Variants in ANGPT1 observed in about 807,000 individuals in gnomAD.
ANGPT1 encodes angiopoietin-1.
ANGPT1 carries 17 observed loss-of-function variants against 62.2 expected under a neutral mutation model. The observed-to-expected ratio is 0.27, with a 90% CI of 0.19 to 0.41. The LOEUF (loss-of-function observed/expected upper bound fraction) is 0.41, where lower values mean the gene tolerates loss of function less well. Among genes scored for constraint, ANGPT1 ranks in the 10% least tolerant of loss-of-function variants. ANGPT1 has a pLI of 1.00. For synonymous variants in ANGPT1, 199 were observed against 198.9 expected, an observed-to-expected ratio of 1.00 and a Z score of 0.00; for missense variants, 478 against 594.9, an observed-to-expected ratio of 0.80 and a Z score of 2.04.
intron 1 of ANGPT1, among the ~76,000 whole-genome samples, chr8:107,368,267 A>G (rs926580658): frequency 5.1e-4 from 78 of 152,152 alleles, no homozygotes; most frequent in Admixed American, 5.0e-3. Flanking sequence ...ATGAACAGTA[A>G]TACTTTAAAA....
intron 6 of ANGPT1, among the ~76,000 whole-genome samples, chr8:107,286,455 T>A (rs954173166): frequency 6.6e-6 from 1 of 152,132 alleles, no homozygotes; most frequent in East Asian, 1.9e-4. Flanking sequence ...GTTCTATTTT[T>A]AAAAAACTGA....
chr8:107,452,257 A>T (rs1327907476), intron 1 of ANGPT1, among the ~76,000 whole-genome samples: 1 of 151,628 alleles, frequency 6.6e-6, no homozygotes, highest in Non-Finnish European at 1.5e-5. Context: ...GAAATTAGAG[A>T]AAATGTGAGC....
chr8:107,472,687 A>G (rs1282902450), intron 1 of ANGPT1, among the ~76,000 whole-genome samples: 1 of 152,010 alleles, frequency 6.6e-6, no homozygotes, highest in African/African-American at 2.4e-5. Flanking sequence ...TCATAGACAC[A>G]GAAATTTGAA....
chr8:107,413,757 T>A (rs944896323), intron 1 of ANGPT1, among the ~76,000 whole-genome samples: 1 of 151,908 alleles, frequency 6.6e-6, no homozygotes, highest in Admixed American at 6.6e-5. Context: ...TGGAAAAATA[T>A]CAACATGTTA....
chr8:107,475,436 C>A (rs1308871046), intron 1 of ANGPT1, among the ~76,000 whole-genome samples: 2 of 152,094 alleles, frequency 1.3e-5, no homozygotes, highest in African/African-American at 4.8e-5. Flanking sequence ...AAAATTAATT[C>A]AAGATGGATT....
intron 1 of ANGPT1, among the ~76,000 whole-genome samples, chr8:107,452,534 T>C: frequency 6.6e-6 from 1 of 152,026 alleles, no homozygotes; most frequent in East Asian, 1.9e-4. Context: ...TAGATATGCA[T>C]GGCTAAAATT....
At chr8:107,427,554 A>G (rs1811072268) in intron 1 of ANGPT1, among the ~76,000 whole-genome samples, 1 of 152,166 alleles carries the variant, frequency 6.6e-6, no homozygotes, top group Non-Finnish European at 1.5e-5. Context: ...TTTCAGGTCA[A>G]TGTCCAGTGT....
chr8:107,393,769 C>A (rs1383267046), intron 1 of ANGPT1, among the ~76,000 whole-genome samples: 1 of 152,110 alleles, frequency 6.6e-6, no homozygotes, highest in African/African-American at 2.4e-5. Flanking sequence ...GAGATTGCAC[C>A]ACTGCACTCC....
chr8:107,264,450 T>C (rs1185762805), intron 7 of ANGPT1, 99 bp from the exon 8 acceptor site: 2 of 1,440,042 alleles, frequency 1.4e-6, no homozygotes, highest in African/African-American at 2.9e-5. Flanking sequence ...CATCATTTTC[T>C]TCTTTCTTTG....
chr8:107,387,625 A>G lies in ANGPT1; in HGVS notation c.298-40528T>C, dbSNP rs369630814. On this transcript the variant is annotated intron_variant, in intron 1 of 8. Transcript: ENST00000517746. ...TATTTATTTTTGCTCAAGATTGTGA[A>G]TAATTGACACTAACATTGATTATTC... Among the ~76,000 whole-genome samples, 4 of 112,996 alleles carry G rather than the reference A, an allele frequency of 3.5e-5. No individual in the cohort carries two copies. The East Asian group carries it at 9.8e-4, about 28-fold the overall frequency. 74.1% of individuals were successfully genotyped at this position (112,996 alleles called of 152,430 possible).
chr8:107,286,962 AAGTCAAAGAATT>A (rs1367206653), intron 6 of ANGPT1, among the ~76,000 whole-genome samples: 1 of 152,166 alleles, frequency 6.6e-6, no homozygotes, highest in East Asian at 1.9e-4. Context: ...AGGAGGCTGA[AAGTCAAAGAATT>A]AGCACTTTAT....
intron 3 of ANGPT1, among the ~76,000 whole-genome samples, chr8:107,329,093 T>C (rs745821636): frequency 6.6e-6 from 1 of 152,100 alleles, no homozygotes; most frequent in African/African-American, 2.4e-5. Context: ...TCTACACATA[T>C]ATGCACATAT....
intron 7 of ANGPT1, among the ~76,000 whole-genome samples, chr8:107,278,559 A>G (rs1193526144): frequency 6.6e-6 from 1 of 152,176 alleles, no homozygotes; most frequent in Non-Finnish European, 1.5e-5. Context: ...CCTTCATTGT[A>G]AGGTTCTAAG....
Position 107,423,839 on chromosome 8 carries a change from T to C in ANGPT1, c.297+73423A>G, listed in dbSNP as rs1461888709. On this transcript the variant is annotated intron_variant, in intron 1 of 8. Coordinates refer to ENST00000517746, the MANE Select transcript of ANGPT1 (RefSeq NM_001146.5). ...TTCCTTTTCCTTTCTTTTTTTTTTT[T>C]TTTTTTTTTTTTTTTTTCTGAGACA... is the stretch of plus-strand genomic sequence containing the variant. Among the ~76,000 whole-genome samples the C allele has an allele frequency of 6.3e-5, 8 of 127,758 alleles. No individual in the cohort carries two copies. In the East Asian group the frequency reaches 6.6e-4, roughly 11 times the overall value. 83.8% of individuals were successfully genotyped at this position (127,758 alleles called of 152,430 possible).
At chr8:107,473,087 T>A (rs1812405353) in intron 1 of ANGPT1, among the ~76,000 whole-genome samples, 1 of 151,880 alleles carries the variant, frequency 6.6e-6, no homozygotes, top group Non-Finnish European at 1.5e-5. Flanking sequence ...AGAGTATGGG[T>A]TTTTAAGAGA....
chr8:107,481,935 G>T (rs1812700246), intron 1 of ANGPT1, among the ~76,000 whole-genome samples: 1 of 152,166 alleles, frequency 6.6e-6, no homozygotes, highest in Admixed American at 6.5e-5. Context: ...TACAATTCAA[G>T]ATGATATTTG....
intron 1 of ANGPT1, among the ~76,000 whole-genome samples, chr8:107,384,949 T>C (rs906723308): frequency 2.0e-5 from 3 of 152,134 alleles, no homozygotes; most frequent in Non-Finnish European, 2.9e-5. Context: ...GCTTAATTTC[T>C]GGGTTCTCTA....
At chr8:107,332,586 G>A (rs368979823) in intron 3 of ANGPT1, among the ~76,000 whole-genome samples, 14 of 152,274 alleles carry the variant, frequency 9.2e-5, no homozygotes, top group African/African-American at 3.4e-4. Context: ...ATGTAAATCA[G>A]CAGGACCTCT....
chr8:107,427,583 C>T (rs985974583), intron 1 of ANGPT1, among the ~76,000 whole-genome samples: 3 of 152,124 alleles, frequency 2.0e-5, no homozygotes, highest in Non-Finnish European at 2.9e-5. Flanking sequence ...TTTCTTGCTC[C>T]CCTTGTCCAT....
Sources: allele counts gnomAD v4.1 joint callset (sites outside exome capture counted in the v4.1 genomes callset), GRCh38; gene constraint gnomAD v4.1.1; transcripts MANE v1.5; gene names NCBI Gene and HGNC (gene_info 2026-07-23, HGNC 2026-07-21).